COMP: variants seen among roughly 807,000 people sequenced by gnomAD.
The protein encoded by COMP is cartilage oligomeric matrix protein (pseudoachondroplasia, epiphyseal dysplasia 1, multiple).
Under a neutral mutation model 95.8 loss-of-function variants are expected in COMP, and 79 were observed. That is an observed-to-expected ratio of 0.82 (90% CI 0.69 to 0.99). The LOEUF is 0.99. COMP is among the 50% of genes least tolerant of loss of function. The pLI is 0.00. For missense variants in COMP, 906 were observed against 1,076.1 expected (o/e 0.84, Z 2.21); for synonymous variants, 438 against 433.9 (o/e 1.01, Z -0.12).
Position 18,784,479 on chromosome 19 carries a change from A to T in COMP, c.1915-116T>A. On this transcript the variant is annotated intron_variant, in intron 16 of 18. Coordinates refer to ENST00000222271, the MANE Select transcript of COMP (RefSeq NM_000095.3). This position sits in a 1 kb window ranked among gnomAD's most constrained non-coding sequence, Gnocchi z 4.9. ...GTGGTGGGCGGCCAGGGGGATCCGG[A>T]TGAGAGACCCACAAGGAAGCCTTCT... 1 of 1,214,664 alleles carries T rather than the reference A, an allele frequency of 8.2e-7. No homozygotes were observed. Among genetic ancestry groups the T allele is most frequent in the South Asian group, 1.3e-5 (1 of 79,448 alleles). 75.2% of individuals were successfully genotyped at this position (1,214,664 alleles called of 1,614,324 possible). A position where few individuals can be genotyped will look rare whatever the true frequency, so the allele number is the denominator to read the frequency against.
At position 18,785,034 on chromosome 19, in the gene COMP, C is replaced by T. The variant is rs757492278; in HGVS notation, c.1776G>A (p.Thr592=). ...AGATGAAGCCCGCATAGTCGTCATC[C>T]GTGACCGTGTTCACATGGAACGTGC... The part of the protein sequence containing the change: ...FEGTFHVNTV[T]DDDYAGFIFG... Residue 592 remains threonine (T), a synonymous_variant, in exon 16 of 19, where the codon ACG becomes ACA. Coordinates refer to ENST00000222271, the MANE Select transcript of COMP (RefSeq NM_000095.3). 8 of 1,613,972 alleles carry T rather than the reference C, an allele frequency of 5.0e-6. No individual in the cohort carries two copies. The highest frequency in any genetic ancestry group is 5.9e-6 in the Non-Finnish European group (7 of 1,180,018).
In COMP at chr19:18,789,275, G is replaced by T; in HGVS notation, c.413C>A (p.Pro138His). 1 of 1,502,466 alleles carries T rather than the reference G, an allele frequency of 6.7e-7. No individual in the cohort carries two copies. Among genetic ancestry groups the T allele is most frequent in the Non-Finnish European group, 8.9e-7 (1 of 1,129,270 alleles). 93.1% of individuals were successfully genotyped at this position (1,502,466 alleles called of 1,614,324 possible). ...VNECNAHPCF[P>H]RVRCINTSPG... ...GCTGGTGTTGATACAGCGGACTCGG[G>T]GGAAGCAGGGGTGGGCGTTGCACTG... Residue 138 changes from proline (P) to histidine (H), a missense_variant, in exon 5 of 19, where the codon CCC becomes CAC. Transcript: ENST00000222271. The surrounding 1 kb of genome is among the most constrained non-coding windows in gnomAD (Gnocchi z 6.1).
At chr19:18,786,483 T>G in intron 11 of COMP, 49 bp downstream of exon 11, 1 of 1,556,342 alleles carries the variant, frequency 6.4e-7, no homozygotes, top group Non-Finnish European at 8.9e-7. Context: ...TAATCCAACT[T>G]GCAGTTCACC....
Position 18,786,522 on chromosome 19 carries a change from C to T in COMP, c.1254+10G>A, listed in dbSNP as rs1341200177. ...AGGGCTTACCCAGCTGGAGTCTGGC[C>T]TGCCCTCACCTGATCCGGGTTGCTC... On this transcript the variant is annotated intron_variant, in intron 11 of 18. Coordinates refer to ENST00000222271, the MANE Select transcript of COMP (RefSeq NM_000095.3). The T allele has an allele frequency of 6.2e-7, 1 of 1,610,488 alleles. No homozygotes were observed. Among genetic ancestry groups the T allele is most frequent in the Non-Finnish European group, 8.5e-7 (1 of 1,176,682 alleles).
intron 10 of COMP, 129 bp downstream of exon 10, chr19:18,787,362 T>C (rs2055174672): frequency 7.4e-7 from 1 of 1,351,442 alleles, no homozygotes; most frequent in Non-Finnish European, 1.0e-6. Context: ...CCATGGTCTT[T>C]GGTCCAGGGC....
At position 18,785,918 on chromosome 19, in the gene COMP, A is replaced by T. The variant is rs1568554745; in HGVS notation, c.1489+47T>A. On this transcript the variant is annotated intron_variant, in intron 13 of 18. Transcript: ENST00000222271. ...CGCCCACCGTAGACCCCGCGCCAGG[A>T]GCCCCCACTGGCCCCGCCCCCACCG... The T allele has an allele frequency of 2.5e-6, 4 of 1,596,890 alleles. No individual in the cohort carries two copies. The South Asian group carries it at 4.4e-5, about 18-fold the overall frequency.
intron 17 of COMP, among the ~76,000 whole-genome samples, chr19:18,783,702 C>T (rs186616759): frequency 1.7e-4 from 26 of 151,970 alleles, no homozygotes; most frequent in African/African-American, 6.0e-4. Flanking sequence ...TTCCGCTTCC[C>T]GAGTTCAAGC....
In COMP at chr19:18,788,970, C is replaced by T. The variant is rs370682676; in HGVS notation, c.529-57G>A. ...CACGCAGACACCTCCGGACCTCCCACCTCCTCCACACTTCCTCCGCATCCT... is the reference window on the plus strand; with the variant it reads ...CACGCAGACACCTCCGGACCTCCCATCTCCTCCACACTTCCTCCGCATCCT... On this transcript the variant is annotated intron_variant, in intron 5 of 18. Transcript: ENST00000222271. The surrounding 1 kb of genome is among the most constrained non-coding windows in gnomAD (Gnocchi z 4.7). 292 of 1,588,002 alleles carry T rather than the reference C, an allele frequency of 1.8e-4. 1 individual carries two copies. The African/African-American group carries it at 3.7e-3, about 20-fold the overall frequency.
chr19:18,785,723 C>T lies in COMP; in HGVS notation c.1618G>A (p.Asp540Asn). 6.2e-7 allele frequency: 1 copy of T among 1,613,528 alleles called. No homozygotes were observed. The highest frequency in any genetic ancestry group is 8.5e-7 in the Non-Finnish European group (1 of 1,180,036). The change falls in exon 14 of 19, where the codon GAC becomes AAC. Residue 540 changes from aspartate to asparagine, a missense_variant. Coordinates refer to ENST00000222271, the MANE Select transcript of COMP (RefSeq NM_000095.3). ...TCAATCTGCGCGTCACCCTCCGGGT[C>T]CAGCACGACTGTCTGGAAGGCCCTG... ...DFRAFQTVVL[D>N]PEGDAQIDPN...
chr19:18,788,118 G>A lies in COMP; in HGVS notation c.975+94C>T, dbSNP rs1177277956. On this transcript the variant is annotated intron_variant, in intron 9 of 18. Coordinates refer to ENST00000222271, the MANE Select transcript of COMP (RefSeq NM_000095.3). The surrounding 1 kb of genome is among the most constrained non-coding windows in gnomAD (Gnocchi z 4.7). ...GGGGTTTCACCATGATGGCCAGGAT[G>A]GTCTCCATCTCTTGACCTCGTGATC... is the stretch of plus-strand genomic sequence containing the variant. 1.6e-5 allele frequency: 16 copies of A among 998,472 alleles called. No individual in the cohort carries two copies. In the African/African-American group the frequency reaches 2.4e-4, roughly 15 times the overall value. 61.9% of individuals were successfully genotyped at this position (998,472 alleles called of 1,614,324 possible).
At chr19:18,790,793 G>A (rs2055207322) in intron 2 of COMP, 57 bp downstream of exon 2, 1 of 1,567,846 alleles carries the variant, frequency 6.4e-7, no homozygotes, top group South Asian at 1.1e-5. Context: ...TCCTCGCTGG[G>A]AACTGAGACC....
Position 18,789,026 on chromosome 19 carries a change from T to C in COMP, c.529-113A>G. 6.5e-7 allele frequency: 1 copy of C among 1,544,444 alleles called. No individual in the cohort carries two copies. The highest frequency in any genetic ancestry group is 8.8e-7 in the Non-Finnish European group (1 of 1,135,554). ...TCCCCTCCATCCTGCCCCAAACCGATCAGCCCTGGCGCAGCGGACCCCTCC... is the reference window on the plus strand; with the variant it reads ...TCCCCTCCATCCTGCCCCAAACCGACCAGCCCTGGCGCAGCGGACCCCTCC... On this transcript the variant is annotated intron_variant, in intron 5 of 18. Coordinates refer to ENST00000222271, the MANE Select transcript of COMP (RefSeq NM_000095.3). The surrounding 1 kb of genome is among the most constrained non-coding windows in gnomAD (Gnocchi z 6.1).
chr19:18,783,070 C>T lies in COMP; in HGVS notation c.2211G>A (p.Leu737=). 6.2e-7 allele frequency: 1 copy of T among 1,612,318 alleles called. No individual in the cohort carries two copies. The highest frequency in any genetic ancestry group is 8.5e-7 in the Non-Finnish European group (1 of 1,179,984). ...FSQENIIWAN[L]RYRCNDTIPE... is the part of the protein sequence containing the mutation. ...TCGGCTCACCATTGCAGCGGTAACG[C>T]AGGTTGGCCCAGATGATGTTCTCCT... Residue 737 remains leucine (L), a synonymous_variant, in exon 18 of 19, where the codon CTG becomes CTA. Transcript: ENST00000222271.
At chr19:18,785,411 C>T (rs1219833337) in intron 15 of COMP, 87 bp downstream of exon 15, 7 of 1,559,864 alleles carry the variant, frequency 4.5e-6, no homozygotes, top group Non-Finnish European at 6.1e-6. Flanking sequence ...TCTGGCCCCG[C>T]CCATTCTCAG....
At position 18,785,224 on chromosome 19, in the gene COMP, C is replaced by A; in HGVS notation, c.1718-132G>T. The A allele has an allele frequency of 8.2e-6, 8 of 973,534 alleles. No homozygotes were observed. In the South Asian group the frequency reaches 1.1e-4, roughly 13 times the overall value. The allele number at this position is 973,534 out of a possible 1,614,324, so 60.3% of individuals were successfully genotyped here. A position where few individuals can be genotyped will look rare whatever the true frequency, so the allele number is the denominator to read the frequency against. On this transcript the variant is annotated intron_variant, in intron 15 of 18. Transcript: ENST00000222271. ...CCTGCACCATTCCCACTCGCAGAGC[C>A]CGGACTCAGCCACGCCCCCCATCTA...
rs1196107746 is a variant in COMP at position 18,785,747 on chromosome 19, T to C, written c.1594A>G (p.Arg532Gly). ...ENAEVTLTDF[R>G]AFQTVVLDPE... The stretch of plus-strand genomic sequence containing the variant: ...TCCAGCACGACTGTCTGGAAGGCCC[T>C]GAAGTCGGTGAGCGTGACTTCAGCG... Residue 532 changes from arginine (R) to glycine (G), a missense_variant, in exon 14 of 19, where the codon AGG (arginine) becomes GGG (glycine). Physicochemically the swap from Arg to Gly is moderately radical, Grantham distance 125. Coordinates refer to ENST00000222271, the MANE Select transcript of COMP (RefSeq NM_000095.3). 1.2e-6 allele frequency: 2 copies of C among 1,613,534 alleles called. No homozygotes were observed. Among genetic ancestry groups the C allele is most frequent in the Admixed American group, 1.7e-5 (1 of 60,028 alleles).
In COMP at chr19:18,786,062, C is replaced by G; in HGVS notation, c.1392G>C (p.Gln464His). The G allele has an allele frequency of 6.2e-7, 1 of 1,614,030 alleles. No individual in the cohort carries two copies. The highest frequency in any genetic ancestry group is 1.3e-5 in the African/African-American group (1 of 75,062). ...SAQEDSDHDG[Q>H]GDACDDDDDN... ...CGTCGTCGTCGTCGCAGGCATCACC[C>G]TGGCCATCGTGGTCTGAGTCCTCCT... is the stretch of plus-strand genomic sequence containing the variant. The change falls in exon 13 of 19, where the codon CAG (glutamine) becomes CAC (histidine). Residue 464 changes from glutamine (Q) to histidine (H), a missense_variant. Gln to His is a conservative substitution (Grantham distance 24). Coordinates refer to ENST00000222271, the MANE Select transcript of COMP (RefSeq NM_000095.3).
At position 18,788,634 on chromosome 19, in the gene COMP, A is replaced by G. The variant is rs1434640256; in HGVS notation, c.720T>C (p.His240=). 3 of 1,547,924 alleles carry G rather than the reference A, an allele frequency of 1.9e-6. No individual in the cohort carries two copies. The highest frequency in any genetic ancestry group is 2.7e-5 in the African/African-American group (2 of 73,040). ...CATCGCGCTCTAGGACGCAGTCTGC[A>G]TGCTCGTGGCACTCGCTGGGCGAGC... The part of the protein sequence containing the change: ...PDGSPSECHE[H]ADCVLERDGS... Residue 240 remains histidine, a synonymous_variant, in exon 7 of 19, where the codon CAT becomes CAC. Coordinates refer to ENST00000222271, the MANE Select transcript of COMP (RefSeq NM_000095.3). This position sits in a 1 kb window ranked among gnomAD's most constrained non-coding sequence, Gnocchi z 4.7.
Position 18,785,188 on chromosome 19 carries a change from C to T in COMP, c.1718-96G>A, listed in dbSNP as rs2055155999. 10 of 1,229,752 alleles carry T rather than the reference C, an allele frequency of 8.1e-6. No homozygotes were observed. The South Asian group carries it at 1.1e-4, about 14-fold the overall frequency. The allele number at this position is 1,229,752 out of a possible 1,614,324, so 76.2% of individuals were successfully genotyped here. ...CCAAACCTGCCCCCTGGGTCCCGAT[C>T]TGCCTGCAGACCTGCACCATTCCCA... On this transcript the variant is annotated intron_variant, in intron 15 of 18. Coordinates refer to ENST00000222271, the MANE Select transcript of COMP (RefSeq NM_000095.3).
Sources: allele counts gnomAD v4.1 joint callset (sites outside exome capture counted in the v4.1 genomes callset), GRCh38; gene constraint gnomAD v4.1.1; non-coding constraint Gnocchi (gnomAD v3.1); transcripts MANE v1.5; gene names NCBI Gene and HGNC (gene_info 2026-07-23, HGNC 2026-07-21).